AGBL4: variants seen among roughly 807,000 people sequenced by gnomAD.
AGBL4 encodes the protein AGBL carboxypeptidase 4, also known as cytosolic carboxypeptidase 6.
Under a neutral mutation model 66.4 loss-of-function variants are expected in AGBL4, and 58 were observed. The observed-to-expected ratio is 0.87, with a 90% CI of 0.71 to 1.09. The LOEUF (loss-of-function observed/expected upper bound fraction) is 1.09, where lower values mean the gene tolerates loss of function less well. Ranked by LOEUF, AGBL4 falls within the 50% of genes least tolerant of loss-of-function variation. The pLI is 0.00. For synonymous variants in AGBL4, 234 were observed against 222.9 expected, an observed-to-expected ratio of 1.05 and a Z score of -0.44; for missense variants, 579 against 631.0, an observed-to-expected ratio of 0.92 and a Z score of 0.88.
chr1:48,963,523 C>T (rs1195848217), intron 5 of AGBL4, among the ~76,000 whole-genome samples: 1 of 149,834 alleles, frequency 6.7e-6, no homozygotes, highest in African/African-American at 2.5e-5. Context: ...TTTTAATTTC[C>T]AGACCTGTCA....
At chr1:49,417,446 C>A (rs1202806405) in intron 3 of AGBL4, among the ~76,000 whole-genome samples, 1 of 152,052 alleles carries the variant, frequency 6.6e-6, no homozygotes, top group African/African-American at 2.4e-5. Flanking sequence ...ATTCCCTCAA[C>A]TGATCCAAAA....
chr1:49,040,151 A>T, intron 5 of AGBL4, among the ~76,000 whole-genome samples: 1 of 152,098 alleles, frequency 6.6e-6, no homozygotes, highest in African/African-American at 2.4e-5. Context: ...ACCCAGTTTT[A>T]AAAATGGGCA....
intron 3 of AGBL4, among the ~76,000 whole-genome samples, chr1:49,473,879 G>A (rs1646796268): frequency 6.6e-6 from 1 of 152,052 alleles, no homozygotes; most frequent in Non-Finnish European, 1.5e-5. Context: ...AGCACTTGCT[G>A]AATAGGGTAT....
chr1:48,906,113 A>G (rs1652562738), intron 5 of AGBL4, among the ~76,000 whole-genome samples: 2 of 152,194 alleles, frequency 1.3e-5, no homozygotes, highest in South Asian at 4.1e-4. Flanking sequence ...ATTAACTTAA[A>G]ATTTTAGATA....
chr1:49,376,529 T>A (rs1025863799), intron 3 of AGBL4, among the ~76,000 whole-genome samples: 1 of 152,058 alleles, frequency 6.6e-6, no homozygotes, highest in Admixed American at 6.6e-5. Flanking sequence ...GTATTTGGGG[T>A]GGAAACAGCT....
At chr1:48,798,918 T>C (rs1645751035) in intron 6 of AGBL4, among the ~76,000 whole-genome samples, 1 of 152,190 alleles carries the variant, frequency 6.6e-6, no homozygotes, top group African/African-American at 2.4e-5. Context: ...CACGTAACTA[T>C]AGCCTTGTAG....
intron 3 of AGBL4, among the ~76,000 whole-genome samples, chr1:49,506,792 A>G (rs959848177): frequency 2.6e-5 from 4 of 152,070 alleles, no homozygotes; most frequent in African/African-American, 7.2e-5. Context: ...AATGTTGCCT[A>G]TCAGCAAATT....
At chr1:49,145,822 C>T (rs549333407) in intron 4 of AGBL4, among the ~76,000 whole-genome samples, 1 of 152,310 alleles carries the variant, frequency 6.6e-6, no homozygotes, top group Non-Finnish European at 1.5e-5. Flanking sequence ...TGCTGCAGCA[C>T]TGTTCACAAT....
At chr1:49,221,010 C>A (rs1230693545) in intron 4 of AGBL4, among the ~76,000 whole-genome samples, 1 of 152,012 alleles carries the variant, frequency 6.6e-6, no homozygotes, top group Non-Finnish European at 1.5e-5. Context: ...AGAACGCAAC[C>A]AAAAACCTAT....
At chr1:49,420,105 T>C (rs1377338191) in intron 3 of AGBL4, among the ~76,000 whole-genome samples, 6 of 152,188 alleles carry the variant, frequency 3.9e-5, no homozygotes, top group African/African-American at 1.4e-4. Flanking sequence ...ATAGCACAAA[T>C]GACCTGAAAT....
At chr1:48,748,203 C>T (rs77137423) in intron 6 of AGBL4, among the ~76,000 whole-genome samples, 9,911 of 152,218 alleles carry the variant, frequency 0.065, 445 homozygotes, top group Non-Finnish European at 0.096. Context: ...GGGAAGATGC[C>T]TCCGGAGCTG....
intron 3 of AGBL4, among the ~76,000 whole-genome samples, chr1:49,400,200 G>A (rs1254272227): frequency 1.3e-5 from 2 of 152,062 alleles, no homozygotes; most frequent in Non-Finnish European, 2.9e-5. Flanking sequence ...TAGGTATGTG[G>A]ATTTGTTTCT....
chr1:49,047,839 T>C (rs1010863999), intron 4 of AGBL4, among the ~76,000 whole-genome samples: 7 of 152,160 alleles, frequency 4.6e-5, no homozygotes, highest in African/African-American at 9.6e-5. Context: ...TTATTAACCA[T>C]GGAGCTGAGT....
At chr1:48,730,827 T>A (rs1371444494) in intron 6 of AGBL4, among the ~76,000 whole-genome samples, 1 of 152,134 alleles carries the variant, frequency 6.6e-6, no homozygotes, top group Non-Finnish European at 1.5e-5. Context: ...TTATAAAAAT[T>A]AACCGGAACG....
intron 3 of AGBL4, among the ~76,000 whole-genome samples, chr1:49,555,471 G>A (rs1319887246): frequency 6.7e-6 from 1 of 150,264 alleles, no homozygotes; most frequent in Admixed American, 6.6e-5. Flanking sequence ...TAGACATACA[G>A]TGCTGATGGG....
intron 6 of AGBL4, among the ~76,000 whole-genome samples, chr1:48,665,072 G>A (rs1646165104): frequency 6.6e-6 from 1 of 152,198 alleles, no homozygotes; most frequent in Non-Finnish European, 1.5e-5. Flanking sequence ...ATTAAACCTG[G>A]TTCTAAAGGC....
chr1:49,367,328 G>C (rs150367042), intron 3 of AGBL4, among the ~76,000 whole-genome samples: 3 of 152,236 alleles, frequency 2.0e-5, no homozygotes, highest in African/African-American at 7.2e-5. Flanking sequence ...CTTCATGTGA[G>C]ATCTAAATGT....
intron 1 of AGBL4, among the ~76,000 whole-genome samples, chr1:49,885,331 C>T (rs1186782047): frequency 1.3e-5 from 2 of 151,982 alleles, no homozygotes; most frequent in Admixed American, 1.3e-4. Context: ...AAAATTTCTA[C>T]TTGTGGATGT....
intron 2 of AGBL4, among the ~76,000 whole-genome samples, chr1:49,767,462 T>C (rs1643917502): frequency 6.6e-6 from 1 of 152,062 alleles, no homozygotes; most frequent in South Asian, 2.1e-4. Context: ...GAAAGCAGTG[T>C]TAAGAGGAAT....
Sources: gnomAD v4.1 joint callset for allele counts (sites outside exome capture counted in the v4.1 genomes callset) on GRCh38, gnomAD v4.1.1 for gene constraint, MANE v1.5 for transcripts, NCBI Gene and HGNC (gene_info 2026-07-23, HGNC 2026-07-21) for gene names.